PDE7B: variants seen among roughly 807,000 people sequenced by gnomAD.
PDE7B encodes the protein 3',5'-cyclic-AMP phosphodiesterase 7B.
In PDE7B, 29 loss-of-function variants were observed where a neutral mutation model predicts 56.2. That is an observed-to-expected ratio of 0.52 (90% confidence interval 0.38 to 0.70). PDE7B has a LOEUF of 0.70. PDE7B is among the 30% of genes least tolerant of loss of function. The pLI, the probability that PDE7B is intolerant of heterozygous loss-of-function variation, is 0.00. For synonymous variants in PDE7B, 197 were observed against 196.9 expected (o/e 1.00, Z 0.00); for missense variants, 490 against 565.0 (o/e 0.87, Z 1.35).
At chr6:136,064,153 A>G (rs761663041) in intron 2 of PDE7B, among the ~76,000 whole-genome samples, 2 of 152,174 alleles carry the variant, frequency 1.3e-5, no homozygotes, top group Non-Finnish European at 2.9e-5. Context: ...TTTAGCGTGC[A>G]ATGGAAGACT....
intron 1 of PDE7B, among the ~76,000 whole-genome samples, chr6:135,867,442 G>T (rs1165927881): frequency 6.6e-6 from 1 of 151,544 alleles, no homozygotes; most frequent in African/African-American, 2.4e-5. Context: ...AACTTTTAAG[G>T]TCAGGGGTAC....
intron 2 of PDE7B, among the ~76,000 whole-genome samples, chr6:136,009,049 A>G (rs975638632): frequency 6.6e-6 from 1 of 151,780 alleles, no homozygotes; most frequent in Non-Finnish European, 1.5e-5. Flanking sequence ...AGCTTTCTAC[A>G]TATGGCTAGC....
rs1779226626 is a variant in PDE7B at position 136,191,634 on chromosome 6, G to C, written c.1147G>C (p.Glu383Gln). ...TCTAGGTTTCATGAGCTACATCGTG[G>C]AGCCGCTCTTCCGGGAATGGGCCCA... ...IQIGFMSYIV[E>Q]PLFREWAHFT... The change falls in exon 13 of 13, where the codon GAG becomes CAG. Residue 383 changes from glutamate (E) to glutamine (Q), a missense_variant. Coordinates refer to ENST00000308191, the MANE Select transcript of PDE7B (RefSeq NM_018945.4). 6.2e-7 allele frequency: 1 copy of C among 1,613,890 alleles called. No homozygotes were observed. The highest frequency in any genetic ancestry group is 1.1e-5 in the South Asian group (1 of 91,060).
At chr6:136,140,167 C>G (rs1451948812) in intron 3 of PDE7B, among the ~76,000 whole-genome samples, 1 of 152,116 alleles carries the variant, frequency 6.6e-6, no homozygotes, top group Admixed American at 6.5e-5. Context: ...AGGAAGGGAT[C>G]CAGTTTCAGC....
intron 2 of PDE7B, among the ~76,000 whole-genome samples, chr6:135,980,276 A>C (rs914343139): frequency 5.3e-5 from 8 of 152,152 alleles, no homozygotes; most frequent in African/African-American, 7.2e-5. Flanking sequence ...CTTACACCTT[A>C]TACAAAAATC....
chr6:135,956,011 A>C (rs1278009506), intron 2 of PDE7B, among the ~76,000 whole-genome samples: 1 of 152,128 alleles, frequency 6.6e-6, no homozygotes, highest in Non-Finnish European at 1.5e-5. Flanking sequence ...CGGTGGCGAC[A>C]TAACAGAAAT....
intron 8 of PDE7B, among the ~76,000 whole-genome samples, chr6:136,171,502 G>A (rs1458349647): frequency 3.3e-5 from 5 of 152,178 alleles, no homozygotes; most frequent in Admixed American, 3.3e-4. Context: ...TCAGCGTTGA[G>A]AAATGATGGT....
intron 1 of PDE7B, among the ~76,000 whole-genome samples, chr6:135,926,246 C>T (rs1774186551): frequency 6.6e-6 from 1 of 151,778 alleles, no homozygotes; most frequent in Admixed American, 6.6e-5. Context: ...GCCACCACGC[C>T]CAGCTAATTT....
At chr6:135,947,569 A>G in intron 2 of PDE7B, 45 bp downstream of exon 2, 4 of 1,371,044 alleles carry the variant, frequency 2.9e-6, no homozygotes, top group Non-Finnish European at 4.2e-6. Flanking sequence ...TGTTGATGTC[A>G]TGTGGAGTTA....
intron 3 of PDE7B, among the ~76,000 whole-genome samples, chr6:136,136,761 A>T (rs1778218866): frequency 7.2e-6 from 1 of 139,426 alleles, no homozygotes; most frequent in Admixed American, 6.8e-5. Flanking sequence ...AAATAATGAA[A>T]AAAAAAAAAA....
At chr6:136,070,529 A>C (rs2128213855) in intron 2 of PDE7B, among the ~76,000 whole-genome samples, 1 of 143,438 alleles carries the variant, frequency 7.0e-6, no homozygotes, top group Admixed American at 6.9e-5. Flanking sequence ...AAAAAATATT[A>C]AGTGTTCTCT....
rs1414417799 is a variant in PDE7B at position 136,194,624 on chromosome 6, G to A, written c.*2784G>A. 1 of 152,214 alleles carries A rather than the reference G, an allele frequency of 6.6e-6. No homozygotes were observed. Among genetic ancestry groups the A allele is most frequent in the African/African-American group, 2.4e-5 (1 of 41,444 alleles). The allele number at this position is 152,214 out of a possible 1,614,324, so 9.4% of individuals were successfully genotyped here. On this transcript the variant is annotated 3_prime_UTR_variant, in exon 13 of 13. Transcript: ENST00000308191. The stretch of plus-strand genomic sequence containing the variant: ...AGTTAAAACACTGGCGGGGTGCGGT[G>A]GCTCACGCCTGTAATCCTAGCACTT...
intron 12 of PDE7B, among the ~76,000 whole-genome samples, chr6:136,190,402 A>T (rs1037193156): frequency 6.6e-6 from 1 of 152,206 alleles, no homozygotes; most frequent in Non-Finnish European, 1.5e-5. Context: ...TCCCTCTTCC[A>T]TCTCTATGGC....
intron 1 of PDE7B, among the ~76,000 whole-genome samples, chr6:135,941,933 ACTC>A (rs1202589962): frequency 2.6e-5 from 4 of 152,196 alleles, no homozygotes; most frequent in Admixed American, 6.5e-5. Flanking sequence ...TATAGTAACT[ACTC>A]AGGAAAATAA....
intron 2 of PDE7B, chr6:135,993,013 C>G (rs1405245890): frequency 4.6e-5 from 7 of 152,096 alleles, no homozygotes; most frequent in Non-Finnish European, 1.0e-4. Context: ...GTTGTGAAAC[C>G]CTTTAGTGGT....
At chr6:136,104,168 C>T (rs560391004) in intron 2 of PDE7B, among the ~76,000 whole-genome samples, 8 of 149,766 alleles carry the variant, frequency 5.3e-5, no homozygotes, top group African/African-American at 2.0e-4. Context: ...ATGTTGTCAG[C>T]CTGAAGGGGC....
intron 1 of PDE7B, among the ~76,000 whole-genome samples, chr6:135,854,942 C>T (rs1325232725): frequency 6.6e-6 from 1 of 152,186 alleles, no homozygotes; most frequent in Non-Finnish European, 1.5e-5. Context: ...GGCATTTATA[C>T]TTTCTACTTT....
chr6:136,183,016 G>A (rs1227917008), intron 11 of PDE7B, among the ~76,000 whole-genome samples: 1 of 144,876 alleles, frequency 6.9e-6, no homozygotes, highest in Non-Finnish European at 1.5e-5. Context: ...AGGTTGCAGT[G>A]AGCCAAGATG....
rs1240981694 is a variant in PDE7B, at chr6:135,909,230, TGTAGAGAAACAGAA to T, written c.22-38232_22-38219del. Among the ~76,000 whole-genome samples, 10 of 152,246 alleles carry T rather than the reference TGTAGAGAAACAGAA, an allele frequency of 6.6e-5. No homozygotes were observed. The East Asian group carries it at 1.9e-3, about 29-fold the overall frequency. ...GGATAGATGAAGAGGAATGCGAGTG[TGTAGAGAAACAGAA>T]GGGATCTCAGAGGTGTGGTGCTGTC... On this transcript the variant is annotated intron_variant, in intron 1 of 12. Coordinates refer to ENST00000308191, the MANE Select transcript of PDE7B (RefSeq NM_018945.4).
Sources: allele counts gnomAD v4.1 joint callset (sites outside exome capture counted in the v4.1 genomes callset), GRCh38; gene constraint gnomAD v4.1.1; transcripts MANE v1.5; gene names NCBI Gene and HGNC (gene_info 2026-07-23, HGNC 2026-07-21).